The following TRIM71 variants were observed in gnomAD, a reference collection of about 807,000 sequenced individuals.
TRIM71 encodes the protein E3 ubiquitin-protein ligase TRIM71.
In TRIM71, 9 loss-of-function variants were observed where a neutral mutation model predicts 61.2. The observed-to-expected ratio is 0.15, with a 90% confidence interval of 0.09 to 0.26. TRIM71 has a LOEUF of 0.26. Among genes scored for constraint, TRIM71 ranks in the 10% least tolerant of loss-of-function variants. The pLI is 1.00. For synonymous variants in TRIM71, 645 were observed against 553.2 expected, an observed-to-expected ratio of 1.17 and a Z score of -2.33; for missense variants, 998 against 1,238.7, an observed-to-expected ratio of 0.81 and a Z score of 2.92.
chr3:32,877,423 A>G lies in TRIM71; in HGVS notation c.1020+3438A>G, dbSNP rs796569411. Among the ~76,000 whole-genome samples the G allele has an allele frequency of 5.3e-5, 8 of 151,536 alleles. No homozygotes were observed. In the East Asian group the frequency reaches 1.4e-3, roughly 26 times the overall value. ...CTGGCCATTTTTTTTTTTAAGAGAC[A>G]GGATCTCTCTCAAACTCCTGGGCTT... is the stretch of plus-strand genomic sequence containing the variant. On this transcript the variant is annotated intron_variant, in intron 2 of 3. Transcript: ENST00000383763.
intron 1 of TRIM71, among the ~76,000 whole-genome samples, chr3:32,856,846 C>T (rs531881511): frequency 6.6e-6 from 1 of 152,290 alleles, no homozygotes; most frequent in East Asian, 1.9e-4. Context: ...CTCATGACCA[C>T]GCCTTTTCTT....
chr3:32,828,925 A>G (rs530621519), intron 1 of TRIM71, among the ~76,000 whole-genome samples: 20 of 152,206 alleles, frequency 1.3e-4, no homozygotes, highest in South Asian at 4.2e-4. Flanking sequence ...AGTGATAGCA[A>G]TCCTCCTATG....
intron 1 of TRIM71, among the ~76,000 whole-genome samples, chr3:32,861,641 G>C (rs1696669188): frequency 6.6e-6 from 1 of 152,138 alleles, no homozygotes; most frequent in Non-Finnish European, 1.5e-5. Context: ...TGTTTGCTCT[G>C]CTCTCGCTCA....
At chr3:32,827,479 C>G (rs1384289967) in intron 1 of TRIM71, among the ~76,000 whole-genome samples, 2 of 151,860 alleles carry the variant, frequency 1.3e-5, no homozygotes, top group Non-Finnish European at 2.9e-5. Context: ...CCAGGCTGGT[C>G]TCGAACTCCT....
In TRIM71 at chr3:32,894,522, C is replaced by G. The variant is rs770441931; in HGVS notation, c.*2711C>G. On this transcript the variant is annotated 3_prime_UTR_variant, in exon 4 of 4. Coordinates refer to ENST00000383763, the MANE Select transcript of TRIM71 (RefSeq NM_001039111.3). ...GGTGTGTAGGTCAGAGATACTACCT[C>G]TTTGTCCTCAGTGGTGGTATATCTA... 10 of 152,136 alleles carry G rather than the reference C, an allele frequency of 6.6e-5. No homozygotes were observed. The highest frequency in any genetic ancestry group is 1.3e-4 in the Admixed American group (2 of 15,284). The allele number at this position is 152,136 out of a possible 1,614,324, so 9.4% of individuals were successfully genotyped here. A position where few individuals can be genotyped will look rare whatever the true frequency, so the allele number is the denominator to read the frequency against.
At chr3:32,872,581 C>T (rs1696807809) in intron 1 of TRIM71, among the ~76,000 whole-genome samples, 1 of 152,226 alleles carries the variant, frequency 6.6e-6, no homozygotes, top group Non-Finnish European at 1.5e-5. Context: ...TTGCTTCTCA[C>T]CAGAATGAGC....
At chr3:32,881,233 A>G (rs1173512261) in intron 2 of TRIM71, among the ~76,000 whole-genome samples, 1 of 152,038 alleles carries the variant, frequency 6.6e-6, no homozygotes, top group Non-Finnish European at 1.5e-5. Context: ...TGGCCAGGCT[A>G]GTCTCAACTC....
rs1365079013 is a variant in TRIM71 at position 32,827,897 on chromosome 3, G to T, written c.852+8965G>T. 2.0e-5 allele frequency among the ~76,000 whole-genome samples: 3 copies of T among 152,194 alleles called. No individual in the cohort carries two copies. The East Asian group carries it at 5.8e-4, about 29-fold the overall frequency. ...TTTCTTCTCGTCTTAACCTTTTGCA[G>T]TTAAAATGTTTTTCTTGAAATGCCA... On this transcript the variant is annotated intron_variant, in intron 1 of 3. Transcript: ENST00000383763.
intron 1 of TRIM71, among the ~76,000 whole-genome samples, chr3:32,861,132 G>A (rs1034394091): frequency 1.1e-4 from 16 of 151,822 alleles, no homozygotes; most frequent in African/African-American, 3.9e-4. Context: ...TTGAGATCGT[G>A]TCATTGTACT....
intron 1 of TRIM71, among the ~76,000 whole-genome samples, chr3:32,863,073 G>A (rs1458649892): frequency 1.3e-5 from 2 of 152,046 alleles, no homozygotes; most frequent in African/African-American, 4.8e-5. Flanking sequence ...TATTTTATTA[G>A]GTCCTTAGCT....
chr3:32,893,231 A>C lies in TRIM71; in HGVS notation c.*1420A>C, dbSNP rs1697045749. 1 of 149,802 alleles carries C rather than the reference A, an allele frequency of 6.7e-6. No individual in the cohort carries two copies. The highest frequency in any genetic ancestry group is 2.1e-4 in the South Asian group (1 of 4,694). The allele number at this position is 149,802 out of a possible 1,614,324, so 9.3% of individuals were successfully genotyped here. On this transcript the variant is annotated 3_prime_UTR_variant, in exon 4 of 4. Transcript: ENST00000383763. The stretch of plus-strand genomic sequence containing the variant: ...AGGCCTTTGACCATAAAGGATCTAG[A>C]AACCAAATTGTCCCAACCTGAAATG...
At chr3:32,886,097 T>C (rs780468809) in intron 3 of TRIM71, 29 bp downstream of exon 3, 1 of 1,598,902 alleles carries the variant, frequency 6.3e-7, no homozygotes, top group South Asian at 1.1e-5. Context: ...CCACCCAGGC[T>C]GTGCCCACTC....
Position 32,890,508 on chromosome 3 carries a change from A to G in TRIM71, c.1304A>G (p.Asp435Gly). The G allele has an allele frequency of 6.2e-7, 1 of 1,614,162 alleles. No individual in the cohort carries two copies. Among genetic ancestry groups the G allele is most frequent in the Non-Finnish European group, 8.5e-7 (1 of 1,180,042 alleles). ...GRALDILLAR[D>G]RMLAQVQELK... ...GCGCTAGACATCCTACTGGCCCGAG[A>G]CCGGATGCTGGCCCAGGTGCAGGAG... Residue 435 changes from aspartate to glycine, a missense_variant, in exon 4 of 4, where the codon GAC (aspartate) becomes GGC (glycine). By Grantham distance (94) the Asp-to-Gly change is moderately conservative (BLOSUM62 -1). Around this residue, in one of 5 missense-constraint regions of TRIM71, gnomAD observed 291 missense variants for 431.2 expected, o/e 0.67. Coordinates refer to ENST00000383763, the MANE Select transcript of TRIM71 (RefSeq NM_001039111.3). This position sits in a 1 kb window ranked among gnomAD's most constrained non-coding sequence, Gnocchi z 6.2.
At chr3:32,859,114 C>T (rs1696638309) in intron 1 of TRIM71, among the ~76,000 whole-genome samples, 1 of 152,124 alleles carries the variant, frequency 6.6e-6, no homozygotes, top group Non-Finnish European at 1.5e-5. Context: ...TTCTGTCGAA[C>T]AGCACGCTTG....
At chr3:32,874,074 A>G (rs1431870732) in intron 2 of TRIM71, 89 bp downstream of exon 2, 17 of 1,408,280 alleles carry the variant, frequency 1.2e-5, no homozygotes, top group Admixed American at 2.1e-5. Context: ...GGCAGATTCC[A>G]GTGTGGGGGG....
At chr3:32,819,209 A>G (rs1041057640) in intron 1 of TRIM71, among the ~76,000 whole-genome samples, 5 of 152,094 alleles carry the variant, frequency 3.3e-5, no homozygotes, top group African/African-American at 7.2e-5. Context: ...AAACGCGGCA[A>G]TCGTCTTGAG....
chr3:32,878,246 T>G (rs1025214442), intron 2 of TRIM71, among the ~76,000 whole-genome samples: 1 of 152,246 alleles, frequency 6.6e-6, no homozygotes, highest in Non-Finnish European at 1.5e-5. Flanking sequence ...AGGTGCATTG[T>G]CAATCAGCAG....
Position 32,818,831 on chromosome 3 carries a change from G to A in TRIM71, c.751G>A (p.Ala251Thr). Residue 251 changes from alanine (A) to threonine (T), a missense_variant, in exon 1 of 4, where the codon GCG (alanine) becomes ACG (threonine). By Grantham distance (58) the Ala-to-Thr change is moderately conservative. Coordinates refer to ENST00000383763, the MANE Select transcript of TRIM71 (RefSeq NM_001039111.3). ...GCCGGGTCCCGGTGCCGCAGCAGCG[G>A]CGCAGCAGCTCGGGCTCGGGCCGCC... ...GPPGPGAAAAAQQLGLGPPFP... is the reference protein window; with the variant it reads ...GPPGPGAAAATQQLGLGPPFP... 6.2e-7 allele frequency: 1 copy of A among 1,611,482 alleles called. No individual in the cohort carries two copies. Among genetic ancestry groups the A allele is most frequent in the East Asian group, 2.2e-5 (1 of 44,818 alleles).
In TRIM71 at chr3:32,860,066, CCCTCCCCTCTCCTCCTGTTCTCT is replaced by C. The variant is rs1164965562; in HGVS notation, c.853-13741_853-13719del. On this transcript the variant is annotated intron_variant, in intron 1 of 3. Transcript: ENST00000383763. ...ACCCTTTGTTGTGCTTTCTCTTTCT[CCCTCCCCTCTCCTCCTGTTCTCT>C]CCTCCCCTCTTCTCTCCCCTTCCCT... 8.7e-5 allele frequency among the ~76,000 whole-genome samples: 13 copies of C among 150,136 alleles called. No individual in the cohort carries two copies. The East Asian group carries it at 2.6e-3, about 30-fold the overall frequency.
Sources: allele counts gnomAD v4.1 joint callset (sites outside exome capture counted in the v4.1 genomes callset), GRCh38; gene constraint gnomAD v4.1.1; regional missense constraint gnomAD v4.1.1; non-coding constraint Gnocchi (gnomAD v3.1); transcripts MANE v1.5; gene names NCBI Gene and HGNC (gene_info 2026-07-23, HGNC 2026-07-21).